The following UROS variants were observed in gnomAD, a reference collection of about 807,000 sequenced individuals.
UROS encodes the protein uroporphyrinogen III synthase.
In UROS, 18 loss-of-function variants were observed where a neutral mutation model predicts 33.0. The ratio of observed to expected loss-of-function variants is 0.55; its 90% confidence interval spans 0.38 to 0.81. The LOEUF is 0.81. Among genes scored for constraint, UROS ranks in the 30% least tolerant of loss-of-function variants. The pLI is 0.00. For synonymous variants in UROS, 114 were observed against 121.1 expected, an observed-to-expected ratio of 0.94 and a Z score of 0.38; for missense variants, 293 against 314.9, an observed-to-expected ratio of 0.93 and a Z score of 0.53.
intron 1 of UROS, chr10:125,819,681 C>T (rs1039585873): frequency 6.5e-6 from 1 of 152,792 alleles, no homozygotes; most frequent in Non-Finnish European, 1.5e-5. Flanking sequence ...CTATATGGCC[C>T]TCCTTGATAG....
intron 5 of UROS, 112 bp from the exon 6 acceptor site, chr10:125,807,599 A>G: frequency 2.4e-6 from 2 of 824,930 alleles, no homozygotes; most frequent in Admixed American, 3.9e-5. Flanking sequence ...AATCACATAG[A>G]GGATGTCTTT....
intron 4 of UROS, among the ~76,000 whole-genome samples, chr10:125,813,414 T>C (rs1163774637): frequency 1.3e-5 from 2 of 152,166 alleles, no homozygotes; most frequent in Admixed American, 6.5e-5. Context: ...TTTCTAGGGT[T>C]TTCCTCTTTT....
downstream of UROS, among the ~76,000 whole-genome samples, chr10:125,787,599 T>A (rs1309269139): frequency 6.6e-6 from 1 of 152,170 alleles, no homozygotes; most frequent in Non-Finnish European, 1.5e-5. Flanking sequence ...TAGAAGCACA[T>A]TACGTGGTTC....
At chr10:125,796,001 G>C in intron 8 of UROS, 102 bp downstream of exon 8, 1 of 1,043,354 alleles carries the variant, frequency 9.6e-7, no homozygotes, top group East Asian at 2.4e-5. Context: ...TGGGGACAGT[G>C]AAACCACATA....
At chr10:125,818,284 A>G (rs2133960876) in intron 1 of UROS, among the ~76,000 whole-genome samples, 1 of 152,200 alleles carries the variant, frequency 6.6e-6, no homozygotes, top group South Asian at 2.1e-4. Flanking sequence ...GGAGTCCAAG[A>G]TCAGCCTGGA....
At chr10:125,796,405 A>C (rs186812759) in intron 7 of UROS, among the ~76,000 whole-genome samples, 6 of 152,328 alleles carry the variant, frequency 3.9e-5, no homozygotes, top group African/African-American at 1.4e-4. Context: ...GAGGAGGCTG[A>C]GACGGCAGAA....
At position 125,823,201 on chromosome 10, in the gene UROS, C is replaced by T. The variant is rs906154232; in HGVS notation, c.-199G>A. ...GCCACCCGCGCCGGGCCCCAGGACC[C>T]CGCACCTCAGACTGGGGTCGCGTGG... is the stretch of plus-strand genomic sequence containing the variant. On this transcript the variant is annotated 5_prime_UTR_variant, in exon 1 of 10. Coordinates refer to ENST00000368797, the MANE Select transcript of UROS (RefSeq NM_000375.3). 1.0e-5 allele frequency: 2 copies of T among 193,980 alleles called. No homozygotes were observed. The allele number at this position is 193,980 out of a possible 1,614,324, so 12.0% of individuals were successfully genotyped here. A position where few individuals can be genotyped will look rare whatever the true frequency, so the allele number is the denominator to read the frequency against.
At chr10:125,818,902 A>T (rs1034241257) in intron 1 of UROS, among the ~76,000 whole-genome samples, 3 of 152,218 alleles carry the variant, frequency 2.0e-5, no homozygotes, top group African/African-American at 7.2e-5. Flanking sequence ...AATTTTCCTT[A>T]AAGTAAAATG....
At chr10:125,802,555 G>A (rs748327813) in intron 6 of UROS, 45 of 1,006,684 alleles carry the variant, frequency 4.5e-5, no homozygotes, top group Non-Finnish European at 5.0e-5. Flanking sequence ...GGCCTCTTCC[G>A]AGAACACCAT....
chr10:125,798,251 G>A (rs1031888910), intron 6 of UROS, 106 bp from the exon 7 acceptor site: 7 of 1,131,374 alleles, frequency 6.2e-6, no homozygotes, highest in Middle Eastern at 2.3e-4. Flanking sequence ...TGGGCTCCAG[G>A]CCTGGCTCTG....
chr10:125,817,106 G>A (rs1853396705), intron 1 of UROS, among the ~76,000 whole-genome samples: 1 of 151,224 alleles, frequency 6.6e-6, no homozygotes, highest in Non-Finnish European at 1.5e-5. Flanking sequence ...ACTGATAAAT[G>A]TGTCCAAAGA....
At chr10:125,796,245 C>T in intron 7 of UROS, 57 bp from the exon 8 acceptor site, 1 of 1,526,066 alleles carries the variant, frequency 6.6e-7, no homozygotes, top group South Asian at 1.1e-5. Context: ...AATGGGGCCT[C>T]CACCACTTCA....
downstream of UROS, chr10:125,785,086 A>C (rs1850606163): frequency 6.6e-6 from 1 of 152,202 alleles, no homozygotes; most frequent in Non-Finnish European, 1.5e-5. Flanking sequence ...GTAAAAGAAA[A>C]AATCTCGTAG....
At chr10:125,817,345 G>A (rs1853429616) in intron 1 of UROS, among the ~76,000 whole-genome samples, 2 of 147,588 alleles carry the variant, frequency 1.4e-5, no homozygotes, top group Admixed American at 6.9e-5. Flanking sequence ...TGGGATTACA[G>A]GAGTGAGCCA....
intron 1 of UROS, among the ~76,000 whole-genome samples, chr10:125,822,036 C>A (rs936086115): frequency 6.6e-6 from 1 of 152,208 alleles, no homozygotes; most frequent in African/African-American, 2.4e-5. Flanking sequence ...CCTGCTTAAA[C>A]AGAAGCAGCC....
intron 6 of UROS, chr10:125,801,954 C>T: frequency 1.1e-6 from 1 of 938,850 alleles, no homozygotes; most frequent in Non-Finnish European, 1.3e-6. Flanking sequence ...TCAATGTCTT[C>T]ACTGAAAACA....
downstream of UROS, among the ~76,000 whole-genome samples, chr10:125,788,030 G>T (rs979899022): frequency 6.6e-5 from 10 of 152,168 alleles, no homozygotes; most frequent in African/African-American, 2.4e-4. Context: ...ACTCCTCAGG[G>T]TTATGAGGAA....
downstream of UROS, among the ~76,000 whole-genome samples, chr10:125,786,297 G>A (rs61871475): frequency 1.5e-5 from 2 of 135,100 alleles, no homozygotes; most frequent in Non-Finnish European, 3.2e-5. Flanking sequence ...TTTTTTTTTA[G>A]ACAGAGTTTT....
At position 125,796,210 on chromosome 10, in the gene UROS, A is replaced by G. The variant is rs759221678; in HGVS notation, c.476-22T>C. ...ATCCCTGGGCACAATCAAAAGCAGG[A>G]AAGACTTTACCGCACTGGGCACACA... On this transcript the variant is annotated intron_variant, in intron 7 of 9. Transcript: ENST00000368797. 8 of 1,613,530 alleles carry G rather than the reference A, an allele frequency of 5.0e-6. No individual in the cohort carries two copies. The South Asian group carries it at 8.8e-5, about 18-fold the overall frequency.
Sources: gnomAD v4.1 joint callset for allele counts (sites outside exome capture counted in the v4.1 genomes callset) on GRCh38, gnomAD v4.1.1 for gene constraint, MANE v1.5 for transcripts, NCBI Gene and HGNC (gene_info 2026-07-23, HGNC 2026-07-21) for gene names.